The following ATP1A1 variants were observed in gnomAD, a reference collection of about 807,000 sequenced individuals.
ATP1A1 encodes the protein sodium/potassium-transporting ATPase subunit alpha-1.
A neutral mutation model predicts 114.8 loss-of-function variants in ATP1A1; 14 were observed. That is an observed-to-expected ratio of 0.12 (90% CI 0.08 to 0.19). The LOEUF is 0.19. Among genes scored for constraint, ATP1A1 ranks in the 10% least tolerant of loss-of-function variants. The probability of loss-of-function intolerance (pLI) is 1.00; values close to 1 mark genes in which losing one functional copy is unlikely to be tolerated. For synonymous variants in ATP1A1, 471 were observed against 466.3 expected, an observed-to-expected ratio of 1.01 and a Z score of -0.13; for missense variants, 524 against 1,290.7, an observed-to-expected ratio of 0.41 and a Z score of 9.10.
intron 1 of ATP1A1, among the ~76,000 whole-genome samples, chr1:116,380,125 C>T (rs1651646549): frequency 6.6e-6 from 1 of 152,178 alleles, no homozygotes; most frequent in South Asian, 2.1e-4. Context: ...ATGAAAATGC[C>T]TTCTCTAGGT....
At position 116,389,727 on chromosome 1, in the gene ATP1A1, C is replaced by A. The variant is rs1448343202; in HGVS notation, c.1023+20C>A. 1 of 1,613,140 alleles carries A rather than the reference C, an allele frequency of 6.2e-7. No individual in the cohort carries two copies. The highest frequency in any genetic ancestry group is 1.1e-5 in the South Asian group (1 of 91,018). On this transcript the variant is annotated intron_variant, in intron 8 of 22. Coordinates refer to ENST00000295598, the MANE Select transcript of ATP1A1 (RefSeq NM_000701.8). This position sits in a 1 kb window ranked among gnomAD's most constrained non-coding sequence, Gnocchi z 6.9. ...GTCACGGTAAGAGGCAGGTGATGGTCACCCTGACTCAGATCAGCTTGCACG... is the reference window on the plus strand; with the variant it reads ...GTCACGGTAAGAGGCAGGTGATGGTAACCCTGACTCAGATCAGCTTGCACG...
chr1:116,398,357 T>C lies in ATP1A1; in HGVS notation c.2125-264T>C, dbSNP rs1422239162. Among the ~76,000 whole-genome samples the C allele has an allele frequency of 6.6e-6, 1 of 152,146 alleles. No homozygotes were observed. The highest frequency in any genetic ancestry group is 1.5e-5 in the Non-Finnish European group (1 of 68,026). On this transcript the variant is annotated intron_variant, in intron 15 of 22. Coordinates refer to ENST00000295598, the MANE Select transcript of ATP1A1 (RefSeq NM_000701.8). This position sits in a 1 kb window ranked among gnomAD's most constrained non-coding sequence, Gnocchi z 6.1. ...CAGGGCGTGCATACAGGAATGGCAT[T>C]TTCTGGAGTGCCACCCACCAGAGTC...
intron 1 of ATP1A1, chr1:116,373,812 G>C (rs886257444): frequency 6.4e-6 from 8 of 1,245,316 alleles, no homozygotes; most frequent in Non-Finnish European, 8.0e-6. Flanking sequence ...GAGCGGGCCG[G>C]GGGCTCCGAG....
chr1:116,404,608 T>TG lies in ATP1A1; in HGVS notation c.*170dup. 1 of 977,066 alleles carries TG rather than the reference T, an allele frequency of 1.0e-6. No homozygotes were observed. Among genetic ancestry groups the TG allele is most frequent in the South Asian group, 2.8e-5 (1 of 35,110 alleles). The allele number at this position is 977,066 out of a possible 1,614,324, so 60.5% of individuals were successfully genotyped here. A position where few individuals can be genotyped will look rare whatever the true frequency, so the allele number is the denominator to read the frequency against. On this transcript the variant is annotated 3_prime_UTR_variant, in exon 23 of 23. Coordinates refer to ENST00000295598, the MANE Select transcript of ATP1A1 (RefSeq NM_000701.8). The surrounding 1 kb of genome is among the most constrained non-coding windows in gnomAD (Gnocchi z 4.8). ...TCCTGGAATGAAGCATGTAGCTCTATGGGGGGAGGGGGGAGGGCTGCCTGA... is the reference window on the plus strand; with the variant it reads ...TCCTGGAATGAAGCATGTAGCTCTATGGGGGGGAGGGGGGAGGGCTGCCTGA...
At position 116,401,449 on chromosome 1, in the gene ATP1A1, A is replaced by G. The variant is rs1653470280; in HGVS notation, c.2850-105A>G. The G allele has an allele frequency of 7.1e-7, 1 of 1,407,976 alleles. No homozygotes were observed. Among genetic ancestry groups the G allele is most frequent in the Non-Finnish European group, 9.8e-7 (1 of 1,017,298 alleles). 87.2% of individuals were successfully genotyped at this position (1,407,976 alleles called of 1,614,324 possible). On this transcript the variant is annotated intron_variant, in intron 20 of 22. Coordinates refer to ENST00000295598, the MANE Select transcript of ATP1A1 (RefSeq NM_000701.8). The surrounding 1 kb of genome is among the most constrained non-coding windows in gnomAD (Gnocchi z 4.7). Reference sequence around the variant, plus strand: ...TCATCTGACCTCCAAGTTTTCAAGTACAGCTAATACATAAAGATGTTGATC... The same window carrying G: ...TCATCTGACCTCCAAGTTTTCAAGTGCAGCTAATACATAAAGATGTTGATC...
At position 116,390,418 on chromosome 1, in the gene ATP1A1, C is replaced by T; in HGVS notation, c.1222+7C>T. 1.9e-6 allele frequency: 3 copies of T among 1,613,416 alleles called. No homozygotes were observed. Among genetic ancestry groups the T allele is most frequent in the Non-Finnish European group, 2.5e-6 (3 of 1,179,654 alleles). ...ACGACAGAGAATCAGAGTGGTAAGGCCAGGGTTACCACACACCTCAGCCAC... is the reference window on the plus strand; with the variant it reads ...ACGACAGAGAATCAGAGTGGTAAGGTCAGGGTTACCACACACCTCAGCCAC... On this transcript the variant is annotated splice_region_variant and intron_variant, in intron 9 of 22. Coordinates refer to ENST00000295598, the MANE Select transcript of ATP1A1 (RefSeq NM_000701.8).
chr1:116,398,601 T>C lies in ATP1A1; in HGVS notation c.2125-20T>C, dbSNP rs1044406881. 6.2e-7 allele frequency: 1 copy of C among 1,610,966 alleles called. No individual in the cohort carries two copies. The highest frequency in any genetic ancestry group is 1.7e-5 in the Admixed American group (1 of 59,836). On this transcript the variant is annotated intron_variant, in intron 15 of 22. Transcript: ENST00000295598. This position sits in a 1 kb window ranked among gnomAD's most constrained non-coding sequence, Gnocchi z 6.1. Reference sequence around the variant, plus strand: ...AGGAAAAGTGATTGGTATTAACCCGTTTTCCCTTTTCTGGGGTAGGGTGCT... The same window carrying C: ...AGGAAAAGTGATTGGTATTAACCCGCTTTCCCTTTTCTGGGGTAGGGTGCT...
rs1021775896 is a variant in ATP1A1, at chr1:116,384,430, C to T, written c.123+306C>T. On this transcript the variant is annotated intron_variant, in intron 2 of 22. Coordinates refer to ENST00000295598, the MANE Select transcript of ATP1A1 (RefSeq NM_000701.8). This position sits in a 1 kb window ranked among gnomAD's most constrained non-coding sequence, Gnocchi z 5.1. ...CATTGGGAAATTCAGCCTCTCCAGG[C>T]GATGGAAGCTTCCATAGACTTAACC... Among the ~76,000 whole-genome samples the T allele has an allele frequency of 2.0e-5, 3 of 152,144 alleles. No individual in the cohort carries two copies. Among genetic ancestry groups the T allele is most frequent in the Admixed American group, 1.3e-4 (2 of 15,282 alleles).
chr1:116,402,630 C>A (rs115248450), intron 21 of ATP1A1, among the ~76,000 whole-genome samples: 12,786 of 152,218 alleles, frequency 0.084, 1,252 homozygotes, highest in African/African-American at 0.24. Context: ...TTCTCTTGTA[C>A]CCCTTACCCA....
chr1:116,380,384 T>C (rs1025091182), intron 1 of ATP1A1, among the ~76,000 whole-genome samples: 2 of 152,164 alleles, frequency 1.3e-5, no homozygotes, highest in African/African-American at 2.4e-5. Context: ...TGTGCTGATA[T>C]GGTGGGAAAA....
intron 13 of ATP1A1, 24 bp from the exon 14 acceptor site, chr1:116,396,574 A>T (rs772333362): frequency 4.3e-6 from 7 of 1,611,864 alleles, no homozygotes; most frequent in African/African-American, 1.3e-5. Flanking sequence ...AGTTGCATTC[A>T]ACACATTGTC....
In ATP1A1 at chr1:116,393,232, G is replaced by GGGAGGTGGCT. The variant is rs74708417; in HGVS notation, c.1467+251_1467+260dup. Among the ~76,000 whole-genome samples the GGGAGGTGGCT allele has an allele frequency of 0.075, 11,400 of 152,040 alleles. 977 individuals are homozygous for GGGAGGTGGCT. Among genetic ancestry groups the GGGAGGTGGCT allele is most frequent in the African/African-American group, 0.21 (8,655 of 41,380 alleles). Reference sequence around the variant, plus strand: ...GGTTTGGGGTGGGTGTGGGCATGTGGGGAGGTGGCTGGAGGTATGTGTACA... The same window carrying GGGAGGTGGCT: ...GGTTTGGGGTGGGTGTGGGCATGTGGGGAGGTGGCTGGAGGTGGCTGGAGGTATGTGTACA... On this transcript the variant is annotated intron_variant, in intron 11 of 22. Transcript: ENST00000295598. The surrounding 1 kb of genome is among the most constrained non-coding windows in gnomAD (Gnocchi z 5.0).
At position 116,388,443 on chromosome 1, in the gene ATP1A1, T is replaced by A; in HGVS notation, c.502-195T>A. 1.0e-6 allele frequency: 1 copy of A among 967,374 alleles called. No homozygotes were observed. The highest frequency in any genetic ancestry group is 2.6e-5 in the East Asian group (1 of 38,124). The allele number at this position is 967,374 out of a possible 1,614,324, so 59.9% of individuals were successfully genotyped here. ...CTTTCTTTTGAATGTAAACTCTGAA[T>A]ACAGGCACACCATGTAACAGCAATA... is the stretch of plus-strand genomic sequence containing the variant. On this transcript the variant is annotated intron_variant, in intron 5 of 22. Coordinates refer to ENST00000295598, the MANE Select transcript of ATP1A1 (RefSeq NM_000701.8). The surrounding 1 kb of genome is among the most constrained non-coding windows in gnomAD (Gnocchi z 5.6).
rs1204961813 is a variant in ATP1A1, at chr1:116,396,645, C to T, written c.1884C>T (p.Ala628=). Residue 628 remains alanine, a synonymous_variant, in exon 14 of 23, where the codon GCC becomes GCT. Transcript: ENST00000295598. ...ATCCAATCACAGCTAAAGCTATTGCCAAAGGTGTGGGCATCATCTCAGAAG... is the reference window on the plus strand; with the variant it reads ...ATCCAATCACAGCTAAAGCTATTGCTAAAGGTGTGGGCATCATCTCAGAAG... ...GDHPITAKAI[A]KGVGIISEGN... 3 of 1,613,504 alleles carry T rather than the reference C, an allele frequency of 1.9e-6. No homozygotes were observed. The highest frequency in any genetic ancestry group is 2.5e-6 in the Non-Finnish European group (3 of 1,179,710).
chr1:116,392,779 T>C (rs1225095121), intron 10 of ATP1A1, 75 bp from the exon 11 acceptor site: 10 of 1,540,958 alleles, frequency 6.5e-6, no homozygotes, highest in Non-Finnish European at 7.1e-6. Flanking sequence ...TGTCTTGAGT[T>C]ATTTTTCCTG....
chr1:116,403,920 T>C lies in ATP1A1; in HGVS notation c.2988T>C (p.Leu996=), dbSNP rs977860799. ...TWWFCAFPYS[L]LIFVYDEVRK... The stretch of plus-strand genomic sequence containing the variant: ...GGTTCTGTGCCTTCCCCTACTCTCT[T>C]CTCATCTTCGTATATGACGAAGTCA... Residue 996 remains leucine (L), a synonymous_variant, in exon 22 of 23, where the codon CTT becomes CTC. Transcript: ENST00000295598. 42 of 1,614,098 alleles carry C rather than the reference T, an allele frequency of 2.6e-5. No homozygotes were observed. The highest frequency in any genetic ancestry group is 3.2e-5 in the Non-Finnish European group (38 of 1,180,044).
At position 116,404,298 on chromosome 1, in the gene ATP1A1, T is replaced by A; in HGVS notation, c.3044-118T>A. The A allele has an allele frequency of 1.5e-6, 2 of 1,298,956 alleles. No individual in the cohort carries two copies. The highest frequency in any genetic ancestry group is 2.5e-5 in the South Asian group (2 of 79,984). The allele number at this position is 1,298,956 out of a possible 1,614,324, so 80.5% of individuals were successfully genotyped here. A position where few individuals can be genotyped will look rare whatever the true frequency, so the allele number is the denominator to read the frequency against. On this transcript the variant is annotated intron_variant, in intron 22 of 22. Transcript: ENST00000295598. This position sits in a 1 kb window ranked among gnomAD's most constrained non-coding sequence, Gnocchi z 4.8. ...TACAGTTGAGGTCCCATGTTTGGATTTTAACACACCCGACCCCCATCATCC... is the reference window on the plus strand; with the variant it reads ...TACAGTTGAGGTCCCATGTTTGGATATTAACACACCCGACCCCCATCATCC...
chr1:116,390,493 C>CTTT, intron 9 of ATP1A1, 82 bp downstream of exon 9: 2 of 871,014 alleles, frequency 2.3e-6, no homozygotes, highest in Non-Finnish European at 3.2e-6. Context: ...CATGAAATTT[C>CTTT]TTTTTTTTTT....
At chr1:116,375,101 A>G (rs1004764584) in intron 1 of ATP1A1, among the ~76,000 whole-genome samples, 2 of 152,188 alleles carry the variant, frequency 1.3e-5, no homozygotes, top group East Asian at 1.9e-4. Flanking sequence ...TGCACTTTAA[A>G]GCTCATTCTT....
Sources: allele counts gnomAD v4.1 joint callset (sites outside exome capture counted in the v4.1 genomes callset), GRCh38; gene constraint gnomAD v4.1.1; non-coding constraint Gnocchi (gnomAD v3.1); transcripts MANE v1.5; gene names NCBI Gene and HGNC (gene_info 2026-07-23, HGNC 2026-07-21).